The following ANKS3 variants were observed in gnomAD, a reference collection of about 807,000 sequenced individuals.
ANKS3 encodes ankyrin repeat and sterile alpha motif domain containing 3.
Under a neutral mutation model 80.7 loss-of-function variants are expected in ANKS3, and 62 were observed. That is an observed-to-expected ratio of 0.77 (90% CI 0.63 to 0.95). ANKS3 has a LOEUF of 0.95. Ranked by LOEUF, ANKS3 falls within the 40% of genes least tolerant of loss-of-function variation. ANKS3 has a pLI of 0.00. For synonymous variants in ANKS3, 489 were observed against 355.3 expected (o/e 1.38, Z -4.23); for missense variants, 1,150 against 883.6 (o/e 1.30, Z -3.82).
At chr16:4,726,510 G>T in intron 5 of ANKS3, 149 bp downstream of exon 5, 1 of 756,890 alleles carries the variant, frequency 1.3e-6, no homozygotes, top group Non-Finnish European at 2.1e-6. Flanking sequence ...GCCTGTGCCT[G>T]GAAGGACTCT....
chr16:4,730,252 G>A (rs1466333323), intron 2 of ANKS3, 101 bp from the exon 3 acceptor site: 3 of 1,190,732 alleles, frequency 2.5e-6, no homozygotes, highest in East Asian at 5.9e-5. Flanking sequence ...CTAGCAGACT[G>A]ATAACCCAGT....
At chr16:4,717,534 G>A (rs1164527473) in intron 6 of ANKS3, 1 of 152,190 alleles carries the variant, frequency 6.6e-6, no homozygotes, top group Admixed American at 6.5e-5. Context: ...TCCAGCCTGG[G>A]CGACAGAGGG....
At position 4,701,563 on chromosome 16, in the gene ANKS3, G is replaced by GCGT; in HGVS notation, c.1010-23_1010-21dup. On this transcript the variant is annotated intron_variant, in intron 9 of 17. Transcript: ENST00000304283. ...GTTCCTCTGAGGGCGGGAAGACAGG[G>GCGT]CGTCCGCCTGCAGCCCTCACCGAGG... 2 of 1,594,256 alleles carry GCGT rather than the reference G, an allele frequency of 1.3e-6. No individual in the cohort carries two copies. Among genetic ancestry groups the GCGT allele is most frequent in the Non-Finnish European group, 1.7e-6 (2 of 1,169,818 alleles).
chr16:4,724,945 G>C (rs958154310), intron 5 of ANKS3, 114 bp from the exon 6 acceptor site: 1 of 789,032 alleles, frequency 1.3e-6, no homozygotes, highest in South Asian at 1.7e-5. Context: ...CCTAAGCGTA[G>C]AACACTGTCC....
At position 4,704,307 on chromosome 16, in the gene ANKS3, A is replaced by T. The variant is rs535997515; in HGVS notation, c.868+788T>A. ...CCTGGCTGAAACACTGTCTACTCTCACTCTTCCAAGTCCTGGCCTCAAAGA... is the reference window on the plus strand; with the variant it reads ...CCTGGCTGAAACACTGTCTACTCTCTCTCTTCCAAGTCCTGGCCTCAAAGA... On this transcript the variant is annotated intron_variant, in intron 8 of 17. Transcript: ENST00000304283. 3.9e-5 allele frequency among the ~76,000 whole-genome samples: 6 copies of T among 151,972 alleles called. No individual in the cohort carries two copies. The East Asian group carries it at 1.2e-3, about 29-fold the overall frequency.
rs1308791793 is a variant in ANKS3, at chr16:4,734,042, G to A, written c.-175C>T. On this transcript the variant is annotated 5_prime_UTR_variant, in exon 1 of 18. Transcript: ENST00000304283. ...CACAACCACATAAAGAAAATGTGGGGGCTCGGTCCTCCAGTCACGCGGCGA... is the reference window on the plus strand; with the variant it reads ...CACAACCACATAAAGAAAATGTGGGAGCTCGGTCCTCCAGTCACGCGGCGA... 3 of 982,678 alleles carry A rather than the reference G, an allele frequency of 3.1e-6. No individual in the cohort carries two copies. Among genetic ancestry groups the A allele is most frequent in the Admixed American group, 6.1e-5 (1 of 16,276 alleles). 60.9% of individuals were successfully genotyped at this position (982,678 alleles called of 1,614,324 possible).
intron 7 of ANKS3, among the ~76,000 whole-genome samples, chr16:4,709,001 C>A (rs930903852): frequency 6.6e-6 from 1 of 151,898 alleles, no homozygotes; most frequent in East Asian, 1.9e-4. Context: ...CGCAGTGGCT[C>A]ATGCCTATAA....
Position 4,697,351 on chromosome 16 carries a change from C to T in ANKS3, c.1876G>A (p.Asp626Asn). 6.2e-7 allele frequency: 1 copy of T among 1,608,892 alleles called. No homozygotes were observed. The highest frequency in any genetic ancestry group is 8.5e-7 in the Non-Finnish European group (1 of 1,177,050). ...SLPELSGALEDRVREMGQALC... is the reference protein window; with the variant it reads ...SLPELSGALENRVREMGQALC... ...GACTCACCCATCTCACGGACACGGT[C>T]CTCCAGGGCTCCCGAGAGCTCGGGG... is the stretch of plus-strand genomic sequence containing the variant. The change falls in exon 16 of 18, where the codon GAC becomes AAC. Residue 626 changes from aspartate (D) to asparagine (N), a missense_variant. Physicochemically the swap from Asp to Asn is conservative, Grantham distance 23 (BLOSUM62 1). Transcript: ENST00000304283.
In ANKS3 at chr16:4,705,029, A is replaced by G. The variant is rs1319453434; in HGVS notation, c.868+66T>C. 7 of 1,582,496 alleles carry G rather than the reference A, an allele frequency of 4.4e-6. No individual in the cohort carries two copies. In the East Asian group the frequency reaches 1.6e-4, roughly 35 times the overall value. On this transcript the variant is annotated intron_variant, in intron 8 of 17. Transcript: ENST00000304283. The stretch of plus-strand genomic sequence containing the variant: ...ATTTCAGGAGCCTAAGAGCTATTCC[A>G]TTCTTGCCAACACAAAATCCTGGTA...
intron 6 of ANKS3, among the ~76,000 whole-genome samples, chr16:4,722,523 C>T (rs1335089968): frequency 2.0e-5 from 3 of 146,768 alleles, no homozygotes; most frequent in African/African-American, 7.6e-5. Context: ...TTGCAGTGAG[C>T]TGAGATCATG....
chr16:4,697,175 C>T (rs1262373579), intron 16 of ANKS3, 71 bp from the exon 17 acceptor site: 4 of 1,583,786 alleles, frequency 2.5e-6, no homozygotes. Flanking sequence ...CCCGGGGTCT[C>T]AGCTGCAGGA....
intron 7 of ANKS3, among the ~76,000 whole-genome samples, chr16:4,705,799 A>C (rs1444983490): frequency 6.6e-6 from 1 of 152,094 alleles, no homozygotes; most frequent in African/African-American, 2.4e-5. Context: ...CAAATTGTTC[A>C]TAAGTCTGTA....
At chr16:4,727,879 G>C (rs2081432886) in intron 3 of ANKS3, 1 of 153,282 alleles carries the variant, frequency 6.5e-6, no homozygotes, top group Non-Finnish European at 1.5e-5. Context: ...TGCGACTCTG[G>C]GGTTGGGACA....
chr16:4,697,133 C>A, intron 16 of ANKS3, 29 bp from the exon 17 acceptor site: 2 of 1,607,952 alleles, frequency 1.2e-6, no homozygotes, highest in East Asian at 2.2e-5. Context: ...GAGCCTCTCC[C>A]GGCCAGGCTC....
Position 4,700,748 on chromosome 16 carries a change from A to T in ANKS3, c.1284+222T>A, listed in dbSNP as rs2079852572. 2.7e-6 allele frequency: 2 copies of T among 735,084 alleles called. 1 individual carries two copies. The highest frequency in any genetic ancestry group is 4.9e-6 in the Non-Finnish European group (2 of 410,460). The allele number at this position is 735,084 out of a possible 1,614,324, so 45.5% of individuals were successfully genotyped here. The stretch of plus-strand genomic sequence containing the variant: ...GCCAACTCCAGTATGGAAAGCAGGG[A>T]GACAGGTCCTTTCCGTGGAGAGGAA... On this transcript the variant is annotated intron_variant, in intron 11 of 17. Coordinates refer to ENST00000304283, the MANE Select transcript of ANKS3 (RefSeq NM_133450.4).
At chr16:4,711,098 A>ATTTTTTTTT (rs35899381) in intron 7 of ANKS3, among the ~76,000 whole-genome samples, 1 of 104,476 alleles carries the variant, frequency 9.6e-6, no homozygotes, top group Non-Finnish European at 1.9e-5. Context: ...CTGAAACAGA[A>ATTTTTTTTT]TTTTTTTTTT....
intron 3 of ANKS3, chr16:4,728,181 G>C (rs970242401): frequency 6.6e-6 from 1 of 152,188 alleles, no homozygotes; most frequent in African/African-American, 2.4e-5. Context: ...AAGTAGCTGG[G>C]ACTACAGGCG....
intron 6 of ANKS3, among the ~76,000 whole-genome samples, chr16:4,721,237 T>A (rs1454457555): frequency 7.1e-6 from 1 of 141,414 alleles, no homozygotes; most frequent in Non-Finnish European, 1.5e-5. Flanking sequence ...CCCGGAAGTC[T>A]GAGGTTGCAG....
chr16:4,699,045 G>C lies in ANKS3; in HGVS notation c.1409+7C>G. The C allele has an allele frequency of 6.2e-7, 1 of 1,614,194 alleles. No homozygotes were observed. The highest frequency in any genetic ancestry group is 1.1e-5 in the South Asian group (1 of 91,090). ...GCTGAGGGCCAGAGCGGCCCTTCTGGACGCACGTGATGCCAATTTCCTTCA... is the reference window on the plus strand; with the variant it reads ...GCTGAGGGCCAGAGCGGCCCTTCTGCACGCACGTGATGCCAATTTCCTTCA... On this transcript the variant is annotated splice_region_variant and intron_variant, in intron 12 of 17. Transcript: ENST00000304283.
Sources: gnomAD v4.1 joint callset for allele counts (sites outside exome capture counted in the v4.1 genomes callset) on GRCh38, gnomAD v4.1.1 for gene constraint, MANE v1.5 for transcripts, NCBI Gene and HGNC (gene_info 2026-07-23, HGNC 2026-07-21) for gene names.